NTM: variants seen among roughly 807,000 people sequenced by gnomAD.
The protein encoded by NTM is neurotrimin, also known as IgLON family member 2.
A neutral mutation model predicts 42.1 loss-of-function variants in NTM; 13 were observed. The ratio of observed to expected loss-of-function variants is 0.31; its 90% CI spans 0.20 to 0.49. The LOEUF is 0.49. Ranked by LOEUF, NTM falls within the 20% of genes least tolerant of loss-of-function variation. The pLI is 0.99. For missense variants in NTM, 373 were observed against 452.8 expected, an observed-to-expected ratio of 0.82 and a Z score of 1.60; for synonymous variants, 187 against 179.2, an observed-to-expected ratio of 1.04 and a Z score of -0.35.
chr11:132,148,664 C>T (rs2071135757), intron 3 of NTM, among the ~76,000 whole-genome samples: 1 of 152,168 alleles, frequency 6.6e-6, no homozygotes, highest in Non-Finnish European at 1.5e-5. Flanking sequence ...CTCACACACA[C>T]CCCCACACCC....
intron 1 of NTM, among the ~76,000 whole-genome samples, chr11:131,598,691 CTT>C (rs1251547074): frequency 3.1e-5 from 1 of 32,064 alleles, no homozygotes; most frequent in African/African-American, 8.0e-5. Context: ...TGTTTTCTTT[CTT>C]TCTTTCTTTC....
intron 1 of NTM, among the ~76,000 whole-genome samples, chr11:131,712,347 G>A (rs2077262774): frequency 6.6e-6 from 1 of 151,994 alleles, no homozygotes; most frequent in Admixed American, 6.6e-5. Context: ...AAGAGGAGGA[G>A]TGCTGCTGTT....
chr11:132,175,950 T>C (rs776258474), intron 3 of NTM, among the ~76,000 whole-genome samples: 1 of 152,220 alleles, frequency 6.6e-6, no homozygotes, highest in Non-Finnish European at 1.5e-5. Context: ...ATGTCTGTTC[T>C]CTTTTCTCTC....
At chr11:132,293,643 G>T (rs969664464) in intron 4 of NTM, among the ~76,000 whole-genome samples, 1 of 151,884 alleles carries the variant, frequency 6.6e-6, no homozygotes, top group African/African-American at 2.4e-5. Context: ...GATTCAGCCT[G>T]CAGCCTCTTT....
At chr11:131,709,691 C>G (rs1174295885) in intron 1 of NTM, among the ~76,000 whole-genome samples, 1 of 152,158 alleles carries the variant, frequency 6.6e-6, no homozygotes, top group Non-Finnish European at 1.5e-5. Context: ...GGGCAGGTGT[C>G]TTGCACAGGA....
chr11:132,167,457 A>C (rs955484951), intron 3 of NTM, among the ~76,000 whole-genome samples: 5 of 152,206 alleles, frequency 3.3e-5, no homozygotes, highest in South Asian at 2.1e-4. Context: ...AAGTTTCCTC[A>C]TTAACCAGAA....
chr11:131,519,094 T>C (rs73572384), intron 1 of NTM, among the ~76,000 whole-genome samples: 3,257 of 152,318 alleles, frequency 0.021, 118 homozygotes, highest in African/African-American at 0.072. Flanking sequence ...AGATTATGCC[T>C]CACCTGCTCT....
intron 1 of NTM, among the ~76,000 whole-genome samples, chr11:131,438,601 G>A (rs1024814004): frequency 1.3e-5 from 2 of 152,070 alleles, no homozygotes; most frequent in East Asian, 1.9e-4. Context: ...CATGTGTCAC[G>A]TAGTTCTCAT....
chr11:131,440,934 G>T (rs112928869), intron 1 of NTM, among the ~76,000 whole-genome samples: 7 of 143,556 alleles, frequency 4.9e-5, no homozygotes, highest in African/African-American at 1.6e-4. Flanking sequence ...TTCAGTTTTT[G>T]CTTTCCCTGC....
chr11:131,454,143 A>G (rs1424321431), intron 1 of NTM, among the ~76,000 whole-genome samples: 1 of 151,002 alleles, frequency 6.6e-6, no homozygotes, highest in African/African-American at 2.4e-5. Flanking sequence ...GTATAATAAG[A>G]TCTTTTGAGA....
intron 1 of NTM, among the ~76,000 whole-genome samples, chr11:131,696,788 C>CACACAA (rs1414891638): frequency 3.0e-5 from 4 of 134,990 alleles, no homozygotes; most frequent in African/African-American, 1.0e-4. Context: ...CACGCATGCA[C>CACACAA]ACACACACAC....
At chr11:131,461,669 T>C (rs1454172904) in intron 1 of NTM, among the ~76,000 whole-genome samples, 1 of 147,568 alleles carries the variant, frequency 6.8e-6, no homozygotes, top group Non-Finnish European at 1.5e-5. Flanking sequence ...ATATTTGACA[T>C]TTTTGAGGAG....
At chr11:131,526,566 C>A (rs1442840151) in intron 1 of NTM, among the ~76,000 whole-genome samples, 2 of 152,206 alleles carry the variant, frequency 1.3e-5, no homozygotes, top group African/African-American at 4.8e-5. Context: ...TCAGCTTCTC[C>A]TTATCTCTAA....
intron 1 of NTM, among the ~76,000 whole-genome samples, chr11:131,749,718 C>G (rs891330369): frequency 6.6e-6 from 1 of 152,170 alleles, no homozygotes; most frequent in African/African-American, 2.4e-5. Flanking sequence ...CCTGCTTCAG[C>G]CTCCCAAGTA....
intron 1 of NTM, among the ~76,000 whole-genome samples, chr11:131,487,178 G>A (rs910020708): frequency 6.6e-6 from 1 of 152,140 alleles, no homozygotes; most frequent in African/African-American, 2.4e-5. Flanking sequence ...CCAGAAAGGT[G>A]GTCAGTCTCT....
intron 2 of NTM, among the ~76,000 whole-genome samples, chr11:132,115,113 A>G (rs2063711019): frequency 6.6e-6 from 1 of 152,204 alleles, no homozygotes; most frequent in African/African-American, 2.4e-5. Context: ...AACTCATAAA[A>G]GCAGAGTAGA....
chr11:131,921,090 C>T (rs2057154590), intron 2 of NTM, among the ~76,000 whole-genome samples: 1 of 152,120 alleles, frequency 6.6e-6, no homozygotes, highest in Non-Finnish European at 1.5e-5. Flanking sequence ...TACAGAAAAG[C>T]TGGAAATAGC....
intron 3 of NTM, among the ~76,000 whole-genome samples, chr11:132,204,274 A>G (rs1183364863): frequency 6.6e-6 from 1 of 152,246 alleles, no homozygotes; most frequent in Admixed American, 6.5e-5. Context: ...CTTGGGGGCA[A>G]TTTAAAGATC....
chr11:131,421,824 A>G (rs1947562011), intron 1 of NTM, among the ~76,000 whole-genome samples: 1 of 152,214 alleles, frequency 6.6e-6, no homozygotes, highest in Admixed American at 6.5e-5. Context: ...TCTTCTTATG[A>G]ATACACATGA....
Sources: allele counts gnomAD v4.1 joint callset (sites outside exome capture counted in the v4.1 genomes callset), GRCh38; gene constraint gnomAD v4.1.1; transcripts MANE v1.5; gene names NCBI Gene and HGNC (gene_info 2026-07-23, HGNC 2026-07-21).